Variants in GPHN observed in about 807,000 individuals in gnomAD.
The protein encoded by GPHN is gephyrin.
GPHN carries 17 observed loss-of-function variants against 95.5 expected under a neutral mutation model. The ratio of observed to expected loss-of-function variants is 0.18; its 90% confidence interval spans 0.12 to 0.27. GPHN has a LOEUF of 0.27. Among genes scored for constraint, GPHN ranks in the 10% least tolerant of loss-of-function variants. The pLI is 1.00. For synonymous variants in GPHN, 320 were observed against 322.5 expected, an observed-to-expected ratio of 0.99 and a Z score of 0.08; for missense variants, 660 against 978.1, an observed-to-expected ratio of 0.67 and a Z score of 4.34.
At chr14:66,921,352 G>A (rs150706458) in intron 6 of GPHN, among the ~76,000 whole-genome samples, 113 of 151,582 alleles carry the variant, frequency 7.5e-4, no homozygotes, top group African/African-American at 2.5e-3. Context: ...CATTAGTGAT[G>A]TTGAACATTT....
intron 2 of GPHN, among the ~76,000 whole-genome samples, chr14:66,693,678 T>C (rs2067933303): frequency 1.3e-5 from 2 of 152,212 alleles, no homozygotes; most frequent in Non-Finnish European, 2.9e-5. Flanking sequence ...TTACTCAGCC[T>C]ATGGACTCAC....
intron 5 of GPHN, among the ~76,000 whole-genome samples, chr14:66,887,273 A>G (rs917476944): frequency 6.6e-6 from 1 of 152,166 alleles, no homozygotes; most frequent in Non-Finnish European, 1.5e-5. Context: ...AAACTCGTGA[A>G]GTTCACTAAA....
chr14:67,541,756 C>G, the GPHN span: 1 of 967,204 alleles, frequency 1.0e-6, no homozygotes, highest in South Asian at 1.8e-5. Context: ...GTCCTTTGGT[C>G]CCCTCCCGTT....
intron 21 of GPHN, among the ~76,000 whole-genome samples, chr14:67,172,174 C>T (rs1290962827): frequency 2.0e-5 from 3 of 152,118 alleles, no homozygotes; most frequent in Non-Finnish European, 4.4e-5. Context: ...GCCTAACATC[C>T]ACAGGCTGAG....
intron 2 of GPHN, among the ~76,000 whole-genome samples, chr14:66,693,988 G>A (rs1209131380): frequency 6.6e-6 from 1 of 152,052 alleles, no homozygotes; most frequent in Non-Finnish European, 1.5e-5. Flanking sequence ...GTGTAGTATT[G>A]GCAAAATAGA....
At chr14:66,914,741 A>T (rs1480940273) in intron 5 of GPHN, among the ~76,000 whole-genome samples, 1 of 152,092 alleles carries the variant, frequency 6.6e-6, no homozygotes, top group Admixed American at 6.6e-5. Context: ...TATTGATGAC[A>T]TTCCAATCAT....
chr14:67,134,953 C>CTTCTTTTTTTTTTTTTTTTTTTTTTTTT (rs573340363), intron 17 of GPHN, among the ~76,000 whole-genome samples: 5 of 45,242 alleles, frequency 1.1e-4, no homozygotes, highest in South Asian at 6.8e-4. Flanking sequence ...TTTCTTTCTT[C>CTTCTTTTTTTTTTTTTTTTTTTTTTTTT]TTTTTTTTTT....
intron 2 of GPHN, among the ~76,000 whole-genome samples, chr14:66,692,541 C>T (rs1247950007): frequency 1.3e-5 from 2 of 152,166 alleles, no homozygotes; most frequent in Non-Finnish European, 2.9e-5. Flanking sequence ...ATTATCCTGG[C>T]TCCTCTATAC....
the GPHN span, among the ~76,000 whole-genome samples, chr14:67,663,678 T>A: frequency 6.6e-6 from 1 of 151,884 alleles, no homozygotes; most frequent in Non-Finnish European, 1.5e-5. Context: ...CATTTCAAAA[T>A]AAATAAATAA....
intron 1 of GPHN, among the ~76,000 whole-genome samples, chr14:66,577,967 T>C (rs995858369): frequency 1.3e-5 from 2 of 151,924 alleles, no homozygotes; most frequent in Non-Finnish European, 2.9e-5. Flanking sequence ...GACATTGCAT[T>C]TGATAAGGAA....
chr14:66,727,043 G>A (rs181700561), intron 2 of GPHN, among the ~76,000 whole-genome samples: 3 of 152,268 alleles, frequency 2.0e-5, no homozygotes, highest in Admixed American at 6.5e-5. Context: ...GGAACCTGGT[G>A]AGACATAATT....
At chr14:67,598,610 A>C in the GPHN span, among the ~76,000 whole-genome samples, 1 of 152,312 alleles carries the variant, frequency 6.6e-6, no homozygotes, top group Admixed American at 6.5e-5. Flanking sequence ...TACATAGGCT[A>C]TAAGAACTCA....
chr14:66,992,741 A>G (rs1246900824), intron 9 of GPHN, among the ~76,000 whole-genome samples: 1 of 152,154 alleles, frequency 6.6e-6, no homozygotes, highest in Non-Finnish European at 1.5e-5. Context: ...TTATAGGCCC[A>G]CAAGCTAAGA....
At chr14:66,798,747 A>T (rs2060244280) in intron 3 of GPHN, among the ~76,000 whole-genome samples, 1 of 149,190 alleles carries the variant, frequency 6.7e-6, no homozygotes, top group South Asian at 2.1e-4. Flanking sequence ...ATATTGTTTA[A>T]TTTTTCAAAA....
the GPHN span, among the ~76,000 whole-genome samples, chr14:67,249,891 T>C: frequency 6.6e-6 from 1 of 152,228 alleles, no homozygotes; most frequent in Non-Finnish European, 1.5e-5. Flanking sequence ...TTCCTATGAA[T>C]GTAGTGAGCT....
At chr14:67,729,250 C>G in the GPHN span, 1 of 1,609,950 alleles carries the variant, frequency 6.2e-7, no homozygotes, top group Non-Finnish European at 8.5e-7. Context: ...GCTGGTCCGG[C>G]ACTCCTCCCT....
intron 2 of GPHN, among the ~76,000 whole-genome samples, chr14:66,754,185 A>T (rs1371088998): frequency 6.6e-6 from 1 of 152,098 alleles, no homozygotes; most frequent in Non-Finnish European, 1.5e-5. Context: ...AAGTGTTTGT[A>T]CAAACATTAT....
chr14:66,545,378 G>C lies in GPHN; in HGVS notation c.64+36787G>C, dbSNP rs530366237. ...TCCCGGACGGGGCGACTGGCCAGGC[G>C]GGGGGCTGACCCCCCCACCTCCCTC... On this transcript the variant is annotated intron_variant, in intron 1 of 22. Coordinates refer to ENST00000478722, the MANE Select transcript of GPHN (RefSeq NM_020806.5). Among the ~76,000 whole-genome samples, 269 of 135,762 alleles carry C rather than the reference G, an allele frequency of 2.0e-3. 11 individuals are homozygous for C. The highest frequency in any genetic ancestry group is 7.2e-3 in the African/African-American group (248 of 34,476). 89.1% of individuals were successfully genotyped at this position (135,762 alleles called of 152,430 possible).
intron 1 of GPHN, among the ~76,000 whole-genome samples, chr14:66,529,880 C>T (rs1594837176): frequency 6.6e-6 from 1 of 152,194 alleles, no homozygotes; most frequent in East Asian, 1.9e-4. Context: ...CCAGCCAGAG[C>T]TCTCCTGTAT....
Sources: allele counts gnomAD v4.1 joint callset (sites outside exome capture counted in the v4.1 genomes callset), GRCh38; gene constraint gnomAD v4.1.1; transcripts MANE v1.5; gene names NCBI Gene and HGNC (gene_info 2026-07-23, HGNC 2026-07-21).